Variants in TASP1 observed in about 807,000 individuals in gnomAD.
TASP1 encodes threonine aspartase 1.
TASP1 carries 16 observed loss-of-function variants against 56.6 expected under a neutral mutation model. The ratio of observed to expected loss-of-function variants is 0.28; its 90% CI spans 0.19 to 0.43. The LOEUF is 0.43. Ranked by LOEUF, TASP1 falls within the 20% of genes least tolerant of loss-of-function variation. TASP1 has a pLI of 1.00. For synonymous variants in TASP1, 179 were observed against 184.2 expected (o/e 0.97, Z 0.23); for missense variants, 393 against 511.6 (o/e 0.77, Z 2.24).
chr20:13,588,254 G>A (rs1254357956), intron 4 of TASP1, among the ~76,000 whole-genome samples: 3 of 39,674 alleles, frequency 7.6e-5, no homozygotes, highest in East Asian at 8.0e-4. Flanking sequence ...AGGAAGAAAG[G>A]AAGGAAGGAA....
At chr20:13,428,227 CA>C (rs1409135419) in intron 12 of TASP1, among the ~76,000 whole-genome samples, 1 of 152,176 alleles carries the variant, frequency 6.6e-6, no homozygotes, top group Non-Finnish European at 1.5e-5. Flanking sequence ...ATCAGGCTCC[CA>C]ACAACACATG....
chr20:13,169,111 T>C, the TASP1 span: 6 of 152,026 alleles, frequency 3.9e-5, no homozygotes, highest in Non-Finnish European at 8.8e-5. Context: ...TAATTGATGG[T>C]TTTCTGTTGA....
the TASP1 span, among the ~76,000 whole-genome samples, chr20:13,265,090 C>T: frequency 1.3e-5 from 2 of 152,272 alleles, no homozygotes; most frequent in Non-Finnish European, 2.9e-5. Context: ...CATATGAAAA[C>T]AGCAGGTGTC....
chr20:13,360,949 G>A, the TASP1 span, among the ~76,000 whole-genome samples: 5 of 152,110 alleles, frequency 3.3e-5, no homozygotes, highest in African/African-American at 1.2e-4. Context: ...GTTCCACCAG[G>A]CCTAATCGCC....
chr20:13,326,848 C>A, the TASP1 span, among the ~76,000 whole-genome samples: 1 of 152,126 alleles, frequency 6.6e-6, no homozygotes, highest in Non-Finnish European at 1.5e-5. Flanking sequence ...AAACCCACAG[C>A]CAATATCATA....
At chr20:13,235,766 G>A in the TASP1 span, among the ~76,000 whole-genome samples, 1 of 152,046 alleles carries the variant, frequency 6.6e-6, no homozygotes, top group Admixed American at 6.6e-5. Context: ...CTGCAAATAC[G>A]TTATTCATCA....
chr20:13,544,888 C>A (rs1304387286), intron 8 of TASP1, among the ~76,000 whole-genome samples: 2 of 152,178 alleles, frequency 1.3e-5, no homozygotes, highest in East Asian at 3.8e-4. Flanking sequence ...GTAACATGGA[C>A]AATCTGGATT....
At chr20:13,159,359 A>G in the TASP1 span, among the ~76,000 whole-genome samples, 5 of 152,176 alleles carry the variant, frequency 3.3e-5, no homozygotes, top group Non-Finnish European at 5.9e-5. Flanking sequence ...ATCCCTGTGC[A>G]TCCCTGGGCA....
At chr20:13,456,378 C>T (rs1446103413) in intron 11 of TASP1, among the ~76,000 whole-genome samples, 3 of 152,062 alleles carry the variant, frequency 2.0e-5, no homozygotes, top group African/African-American at 7.2e-5. Context: ...CAAACAAGGG[C>T]AATTTTGTGA....
At chr20:13,437,628 A>G (rs2043054206) in intron 11 of TASP1, among the ~76,000 whole-genome samples, 1 of 152,182 alleles carries the variant, frequency 6.6e-6, no homozygotes, top group African/African-American at 2.4e-5. Context: ...TCAGCCCAAA[A>G]TCTCCTTAAG....
chr20:13,436,753 C>T (rs1031366116), intron 11 of TASP1, among the ~76,000 whole-genome samples: 4 of 152,098 alleles, frequency 2.6e-5, no homozygotes, highest in Non-Finnish European at 5.9e-5. Flanking sequence ...TTTCCAGCAA[C>T]GCAGCCAACT....
chr20:13,378,523 T>C, the TASP1 span, among the ~76,000 whole-genome samples: 1 of 152,194 alleles, frequency 6.6e-6, no homozygotes, highest in African/African-American at 2.4e-5. Context: ...ATAAGTGTGA[T>C]GTGATGTTGC....
chr20:13,240,235 T>C, the TASP1 span, among the ~76,000 whole-genome samples: 2 of 152,204 alleles, frequency 1.3e-5, no homozygotes, highest in Non-Finnish European at 2.9e-5. Flanking sequence ...GCTTATGTTC[T>C]AGAAAGAAAA....
chr20:13,363,384 G>A, the TASP1 span, among the ~76,000 whole-genome samples: 1 of 152,118 alleles, frequency 6.6e-6, no homozygotes, highest in Non-Finnish European at 1.5e-5. Flanking sequence ...GGAGTGTGGT[G>A]CACCCTAACT....
chr20:13,464,775 T>C (rs117218065), intron 11 of TASP1, among the ~76,000 whole-genome samples: 1,707 of 152,202 alleles, frequency 0.011, 19 homozygotes, highest in Middle Eastern at 0.024. Context: ...AGTTGTTTAA[T>C]GGATACAGAA....
chr20:13,145,309 T>G, the TASP1 span, among the ~76,000 whole-genome samples: 1 of 152,084 alleles, frequency 6.6e-6, no homozygotes, highest in Non-Finnish European at 1.5e-5. Context: ...ACAAAATCAA[T>G]GTACTAAAAT....
chr20:13,602,001 C>T (rs1181669001), intron 4 of TASP1, among the ~76,000 whole-genome samples: 1 of 150,966 alleles, frequency 6.6e-6, no homozygotes, highest in Admixed American at 6.6e-5. Flanking sequence ...CTCAGCCTCC[C>T]GAGTAGCTGG....
At chr20:13,269,471 C>A in the TASP1 span, among the ~76,000 whole-genome samples, 1 of 152,282 alleles carries the variant, frequency 6.6e-6, no homozygotes, top group African/African-American at 2.4e-5. Flanking sequence ...TTTGGCTATT[C>A]CTGTCTCTTC....
chr20:13,269,164 A>G, the TASP1 span, among the ~76,000 whole-genome samples: 803 of 152,278 alleles, frequency 5.3e-3, 4 homozygotes, highest in Non-Finnish European at 9.1e-3. Context: ...TGCCCAAGAA[A>G]AACAAGAACA....
Sources: allele counts gnomAD v4.1 joint callset (sites outside exome capture counted in the v4.1 genomes callset), GRCh38; gene constraint gnomAD v4.1.1; transcripts MANE v1.5; gene names NCBI Gene and HGNC (gene_info 2026-07-23, HGNC 2026-07-21).